FOXP1: variants seen among roughly 807,000 people sequenced by gnomAD.
FOXP1 encodes forkhead box protein P1.
FOXP1 carries 15 observed loss-of-function variants against 98.2 expected under a neutral mutation model. The ratio of observed to expected loss-of-function variants is 0.15; its 90% CI spans 0.10 to 0.24. FOXP1 has a LOEUF of 0.24. Among genes scored for constraint, FOXP1 ranks in the 10% least tolerant of loss-of-function variants. FOXP1 has a pLI of 1.00. For missense variants in FOXP1, 633 were observed against 848.5 expected, an observed-to-expected ratio of 0.75 and a Z score of 3.15; for synonymous variants, 371 against 314.5, an observed-to-expected ratio of 1.18 and a Z score of -1.90.
intron 3 of FOXP1, among the ~76,000 whole-genome samples, chr3:71,407,099 A>G (rs1560440706): frequency 2.0e-5 from 3 of 152,156 alleles, no homozygotes; most frequent in African/African-American, 7.2e-5. Context: ...TTCTAAATAC[A>G]GCAACTCCAC....
rs563555408 is a variant in FOXP1 at position 71,316,548 on chromosome 3, G to A, written c.-72-16668C>T. Among the ~76,000 whole-genome samples the A allele has an allele frequency of 1.3e-4, 20 of 152,298 alleles. No homozygotes were observed. In the South Asian group the frequency reaches 4.1e-3, roughly 32 times the overall value. On this transcript the variant is annotated intron_variant, in intron 4 of 20. Transcript: ENST00000649528. ...CAGAGGGGCTGGAACAAGCACAACA[G>A]TGGATCCACCACAGAGCTGCCTTCC...
intron 2 of FOXP1, among the ~76,000 whole-genome samples, chr3:71,562,005 C>T (rs747077075): frequency 2.6e-5 from 4 of 152,140 alleles, no homozygotes; most frequent in Non-Finnish European, 5.9e-5. Context: ...CCATATGTCT[C>T]CATCCTAGAC....
intron 19 of FOXP1, among the ~76,000 whole-genome samples, chr3:70,967,694 T>TG (rs2035181580): frequency 3.6e-5 from 4 of 109,682 alleles, no homozygotes; most frequent in Non-Finnish European, 7.1e-5. Flanking sequence ...TTTGTTTTTT[T>TG]TTTTTGTTTT....
chr3:71,275,392 G>A (rs560954081), intron 5 of FOXP1, among the ~76,000 whole-genome samples: 2 of 152,302 alleles, frequency 1.3e-5, no homozygotes, highest in South Asian at 4.2e-4. Context: ...TATCACCTGG[G>A]TGGGTATAAG....
chr3:71,336,173 A>G (rs944692200), intron 4 of FOXP1, among the ~76,000 whole-genome samples: 1 of 152,164 alleles, frequency 6.6e-6, no homozygotes, highest in Non-Finnish European at 1.5e-5. Context: ...AGACAATTTG[A>G]TCTTCAATAA....
intron 3 of FOXP1, among the ~76,000 whole-genome samples, chr3:71,434,512 T>C (rs2085029856): frequency 6.6e-6 from 1 of 152,164 alleles, no homozygotes; most frequent in Non-Finnish European, 1.5e-5. Flanking sequence ...ACATATTATG[T>C]ACACTTGTGC....
At chr3:71,071,820 C>T (rs2053268004) in intron 7 of FOXP1, among the ~76,000 whole-genome samples, 1 of 152,194 alleles carries the variant, frequency 6.6e-6, no homozygotes, top group Admixed American at 6.5e-5. Flanking sequence ...AGGTGATCGG[C>T]CTGCTTCAGC....
Position 71,275,207 on chromosome 3 carries a change from A to G in FOXP1, c.-12+24613T>C, listed in dbSNP as rs112404573. 9.8e-3 allele frequency among the ~76,000 whole-genome samples: 1,500 copies of G among 152,318 alleles called. 28 individuals carry two copies. Among genetic ancestry groups the G allele is most frequent in the African/African-American group, 0.034 (1,416 of 41,566 alleles). The stretch of plus-strand genomic sequence containing the variant: ...TATATATTGGAGATATTTCTGTACC[A>G]GTACCTACAGGTGTACGTTCTTTTT... On this transcript the variant is annotated intron_variant, in intron 5 of 20. Coordinates refer to ENST00000649528, the MANE Select transcript of FOXP1 (RefSeq NM_001349338.3).
intron 11 of FOXP1, 67 bp from the exon 12 acceptor site, chr3:71,015,720 A>C: frequency 8.7e-7 from 1 of 1,155,346 alleles, no homozygotes; most frequent in African/African-American, 1.5e-5. Flanking sequence ...CCAGACGAGG[A>C]TAAAAAAGGC....
intron 6 of FOXP1, among the ~76,000 whole-genome samples, chr3:71,117,028 G>A (rs931530641): frequency 2.0e-5 from 3 of 152,092 alleles, no homozygotes; most frequent in African/African-American, 7.2e-5. Context: ...TACCTGTTAT[G>A]TGATCAGAAC....
intron 5 of FOXP1, among the ~76,000 whole-genome samples, chr3:71,242,083 C>G (rs2067328547): frequency 6.6e-6 from 1 of 152,214 alleles, no homozygotes; most frequent in Non-Finnish European, 1.5e-5. Flanking sequence ...CTTCCCTGCT[C>G]TTGAAAGTGA....
chr3:71,124,142 T>TAAA (rs397708537), intron 6 of FOXP1, among the ~76,000 whole-genome samples: 121 of 150,102 alleles, frequency 8.1e-4, no homozygotes, highest in African/African-American at 1.4e-3. Flanking sequence ...TATATTTTTT[T>TAAA]AAAAAAAAAA....
intron 6 of FOXP1, among the ~76,000 whole-genome samples, chr3:71,120,485 T>C (rs942358773): frequency 2.0e-5 from 3 of 152,244 alleles, no homozygotes; most frequent in African/African-American, 7.2e-5. Flanking sequence ...TGTTCCAGTC[T>C]TTGCAAATAA....
rs1168560981 is a variant in FOXP1 at position 70,958,032 on chromosome 3, C to T, written c.*1215G>A. ...TTTGCAAACAAAACCAACCCACACC[C>T]GTTATCGCAGAGCACCCAAGGCCCA... On this transcript the variant is annotated 3_prime_UTR_variant, in exon 21 of 21. Coordinates refer to ENST00000649528, the MANE Select transcript of FOXP1 (RefSeq NM_001349338.3). The T allele has an allele frequency of 3.9e-5, 10 of 253,986 alleles. No homozygotes were observed. Among genetic ancestry groups the T allele is most frequent in the African/African-American group, 4.4e-5 (2 of 45,468 alleles). The allele number at this position is 253,986 out of a possible 1,614,324, so 15.7% of individuals were successfully genotyped here.
At chr3:71,380,698 ATTTTTTTTT>A (rs11395817) in intron 3 of FOXP1, among the ~76,000 whole-genome samples, 15 of 100,264 alleles carry the variant, frequency 1.5e-4, no homozygotes, top group African/African-American at 5.8e-4. Context: ...CTTTTTAGAC[ATTTTTTTTT>A]TTTTTTTTTT....
At chr3:71,364,765 G>A (rs1052297730) in intron 3 of FOXP1, among the ~76,000 whole-genome samples, 5 of 152,070 alleles carry the variant, frequency 3.3e-5, no homozygotes, top group South Asian at 4.1e-4. Flanking sequence ...AAAGTGATGC[G>A]TTTCAGATGT....
At chr3:71,431,627 T>C (rs1348965292) in intron 3 of FOXP1, among the ~76,000 whole-genome samples, 1 of 152,224 alleles carries the variant, frequency 6.6e-6, no homozygotes, top group Non-Finnish European at 1.5e-5. Flanking sequence ...ATTGCCTGGT[T>C]TGAATACTTA....
At chr3:71,377,051 T>A (rs1424078158) in intron 3 of FOXP1, among the ~76,000 whole-genome samples, 3 of 152,134 alleles carry the variant, frequency 2.0e-5, no homozygotes. Flanking sequence ...GGTGAGCAAG[T>A]GCAACTGAAC....
chr3:71,275,368 G>A (rs970723464), intron 5 of FOXP1, among the ~76,000 whole-genome samples: 1 of 152,136 alleles, frequency 6.6e-6, no homozygotes, highest in African/African-American at 2.4e-5. Flanking sequence ...TTATAACCAT[G>A]AACACAGGCC....
Sources: gnomAD v4.1 joint callset for allele counts (sites outside exome capture counted in the v4.1 genomes callset) on GRCh38, gnomAD v4.1.1 for gene constraint, MANE v1.5 for transcripts, NCBI Gene and HGNC (gene_info 2026-07-23, HGNC 2026-07-21) for gene names.